The following RAD54L2 variants were observed in gnomAD, a reference collection of about 807,000 sequenced individuals.
RAD54L2 encodes RAD54 like 2.
Under a neutral mutation model 138.4 loss-of-function variants are expected in RAD54L2, and 27 were observed. That is an observed-to-expected ratio of 0.20 (90% confidence interval 0.14 to 0.27). The LOEUF is 0.27. Ranked by LOEUF, RAD54L2 falls within the 10% of genes least tolerant of loss-of-function variation. RAD54L2 has a pLI of 1.00. For synonymous variants in RAD54L2, 644 were observed against 723.2 expected (o/e 0.89, Z 1.76); for missense variants, 1,396 against 1,890.2 (o/e 0.74, Z 4.85).
Position 51,663,036 on chromosome 3 carries a change from T to G in RAD54L2, c.4020T>G (p.Phe1340Leu). 1 of 1,613,942 alleles carries G rather than the reference T, an allele frequency of 6.2e-7. No individual in the cohort carries two copies. Among genetic ancestry groups the G allele is most frequent in the Non-Finnish European group, 8.5e-7 (1 of 1,179,872 alleles). The change falls in exon 23 of 23, where the codon TTT (phenylalanine) becomes TTG (leucine). Residue 1340 changes from phenylalanine (F) to leucine (L), a missense_variant. This residue lies in a region of RAD54L2 where 634 missense variants were observed against 711.2 expected (regional missense o/e 0.89). Transcript: ENST00000684192. The stretch of plus-strand genomic sequence containing the variant: ...TGCTGGCAGATGCCCGCCTGGTGTT[T>G]CCAGTGACTACTGACCCTCTGGTGC... ...SNLLADARLVFPVTTDPLVPA... is the reference protein window; with the variant it reads ...SNLLADARLVLPVTTDPLVPA...
Position 51,563,080 on chromosome 3 carries a change from C to T in RAD54L2, c.-55+21430C>T, listed in dbSNP as rs775488037. ...TGTTTTTTTGCCTTTCCTGACCTGT[C>T]GTGTGTATCTTTGTGTCTCCAGTAG... On this transcript the variant is annotated intron_variant, in intron 2 of 22. Coordinates refer to ENST00000684192, the MANE Select transcript of RAD54L2 (RefSeq NM_015106.4). 4.0e-4 allele frequency among the ~76,000 whole-genome samples: 61 copies of T among 152,060 alleles called. 2 individuals carry two copies. Among genetic ancestry groups the T allele is most frequent in the Admixed American group, 3.7e-3 (57 of 15,252 alleles).
At chr3:51,634,358 ATTTTTTT>A (rs61565460) in intron 9 of RAD54L2, among the ~76,000 whole-genome samples, 31 of 94,928 alleles carry the variant, frequency 3.3e-4, no homozygotes, top group African/African-American at 6.2e-4. Flanking sequence ...CCACTGTCTG[ATTTTTTT>A]TTTTTTTTTT....
intron 2 of RAD54L2, among the ~76,000 whole-genome samples, chr3:51,551,602 T>G (rs1038444064): frequency 6.6e-6 from 1 of 151,076 alleles, no homozygotes; most frequent in Non-Finnish European, 1.5e-5. Flanking sequence ...GCCTGGCTAA[T>G]TTTTGTATTT....
intron 14 of RAD54L2, among the ~76,000 whole-genome samples, chr3:51,640,966 G>A (rs1355942245): frequency 6.6e-6 from 1 of 152,048 alleles, no homozygotes; most frequent in Non-Finnish European, 1.5e-5. Flanking sequence ...GATACCCTTG[G>A]TTGTTCTTGG....
At chr3:51,566,466 GTTTTTTTTT>G (rs71084149) in intron 2 of RAD54L2, among the ~76,000 whole-genome samples, 7 of 31,516 alleles carry the variant, frequency 2.2e-4, no homozygotes, top group Admixed American at 4.5e-4. Flanking sequence ...CCTTTTCTGC[GTTTTTTTTT>G]TTTTTTTTTT....
rs1284289372 is a variant in RAD54L2 at position 51,667,911 on chromosome 3, A to G, written c.*4491A>G. The G allele has an allele frequency of 6.6e-6, 1 of 151,748 alleles. No individual in the cohort carries two copies. The highest frequency in any genetic ancestry group is 1.5e-5 in the Non-Finnish European group (1 of 67,970). The allele number at this position is 151,748 out of a possible 1,614,324, so 9.4% of individuals were successfully genotyped here. On this transcript the variant is annotated 3_prime_UTR_variant, in exon 23 of 23. Transcript: ENST00000684192. ...GACATAGTAATCTAGTGTGTTGGGG[A>G]GGGGTAGCCAAGCAGGCTGCAGTGT...
At chr3:51,634,162 C>G in intron 9 of RAD54L2, 127 bp downstream of exon 9, 1 of 1,234,618 alleles carries the variant, frequency 8.1e-7, no homozygotes, top group Non-Finnish European at 1.1e-6. Context: ...CCTGATGTAT[C>G]ACTTTCTCTG....
intron 3 of RAD54L2, among the ~76,000 whole-genome samples, chr3:51,620,704 AC>A: frequency 6.6e-6 from 1 of 151,784 alleles, no homozygotes; most frequent in Admixed American, 6.6e-5. Flanking sequence ...TGTTTATATA[AC>A]TCTTGTGGTT....
At position 51,630,733 on chromosome 3, in the gene RAD54L2, G is replaced by A; in HGVS notation, c.627G>A (p.Glu209=). 1 of 1,613,970 alleles carries A rather than the reference G, an allele frequency of 6.2e-7. No homozygotes were observed. The highest frequency in any genetic ancestry group is 2.2e-5 in the East Asian group (1 of 44,874). The change falls in exon 7 of 23, where the codon GAG becomes GAA. Residue 209 remains glutamate (E), a synonymous_variant. Transcript: ENST00000684192. ...TGATTGAACTGAGCTCTGGAGAGGA[G>A]GACACTCTGCACATTGTGGACAGCA... ...DEVIELSSGE[E]DTLHIVDSSE...
rs1223198799 is a variant in RAD54L2 at position 51,539,098 on chromosome 3, G to A, written c.-117+183G>A. Among the ~76,000 whole-genome samples, 5 of 152,340 alleles carry A rather than the reference G, an allele frequency of 3.3e-5. No individual in the cohort carries two copies. The East Asian group carries it at 9.7e-4, about 29-fold the overall frequency. On this transcript the variant is annotated intron_variant, in intron 1 of 22. Coordinates refer to ENST00000684192, the MANE Select transcript of RAD54L2 (RefSeq NM_015106.4). ...ACCCGGGAAACTCCAGTGGCCGGAG[G>A]CTTGGCGGGGGTCTTGGGCCTCGAC...
At chr3:51,600,797 T>C (rs1308382741) in intron 3 of RAD54L2, among the ~76,000 whole-genome samples, 1 of 152,006 alleles carries the variant, frequency 6.6e-6, no homozygotes, top group Non-Finnish European at 1.5e-5. Flanking sequence ...TGAAACCCTG[T>C]CTCTACTAAA....
intron 2 of RAD54L2, among the ~76,000 whole-genome samples, chr3:51,580,469 C>T (rs1699581740): frequency 6.6e-6 from 1 of 152,176 alleles, no homozygotes; most frequent in African/African-American, 2.4e-5. Context: ...TCTTAGAGTT[C>T]AGTGAGTGGG....
intron 3 of RAD54L2, among the ~76,000 whole-genome samples, chr3:51,591,428 A>G (rs1577408326): frequency 6.6e-6 from 1 of 151,956 alleles, no homozygotes; most frequent in African/African-American, 2.4e-5. Flanking sequence ...AGGAAAATGT[A>G]CTCCTGCCGT....
intron 20 of RAD54L2, 103 bp from the exon 21 acceptor site, chr3:51,657,477 G>C: frequency 1.4e-6 from 1 of 714,166 alleles, no homozygotes; most frequent in South Asian, 1.6e-5. Context: ...GAGGCTGTAG[G>C]GAAACCAATG....
chr3:51,632,887 C>T (rs181938385), intron 7 of RAD54L2, among the ~76,000 whole-genome samples: 242 of 142,186 alleles, frequency 1.7e-3, no homozygotes, highest in Middle Eastern at 0.013. Flanking sequence ...AGCAAGACTC[C>T]GTCTCAAAAA....
intron 3 of RAD54L2, among the ~76,000 whole-genome samples, chr3:51,610,085 G>A (rs1577423026): frequency 6.6e-6 from 1 of 151,854 alleles, no homozygotes; most frequent in South Asian, 2.1e-4. Context: ...GCAGTGAGCC[G>A]AGATCGAGCC....
intron 2 of RAD54L2, among the ~76,000 whole-genome samples, chr3:51,542,685 G>C (rs1698583814): frequency 6.6e-6 from 1 of 152,092 alleles, no homozygotes; most frequent in Admixed American, 6.6e-5. Context: ...GGATGGTCTC[G>C]ATCTACTGAC....
Position 51,630,856 on chromosome 3 carries a change from C to A in RAD54L2, c.750C>A (p.Val250=). The change falls in exon 7 of 23, where the codon GTC becomes GTA. Residue 250 remains valine (V), a synonymous_variant. Coordinates refer to ENST00000684192, the MANE Select transcript of RAD54L2 (RefSeq NM_015106.4). Reference sequence around the variant, plus strand: ...GTGACGCCCTTGGGCGGGTCCTTGTCAACCTAAACCACCCTCCAGAGGAGG... The same window carrying A: ...GTGACGCCCTTGGGCGGGTCCTTGTAAACCTAAACCACCCTCCAGAGGAGG... ...NQRDALGRVL[V]NLNHPPEEEN... is the part of the protein sequence containing the mutation. 1 of 1,614,060 alleles carries A rather than the reference C, an allele frequency of 6.2e-7. No individual in the cohort carries two copies. Among genetic ancestry groups the A allele is most frequent in the South Asian group, 1.1e-5 (1 of 91,084 alleles).
chr3:51,590,172 G>C (rs1157809443), intron 2 of RAD54L2, among the ~76,000 whole-genome samples, 195 bp from the exon 3 acceptor site: 1 of 152,060 alleles, frequency 6.6e-6, no homozygotes. Context: ...TGTATTTTTA[G>C]TAGAGATGGG....
Sources: allele counts gnomAD v4.1 joint callset (sites outside exome capture counted in the v4.1 genomes callset), GRCh38; gene constraint gnomAD v4.1.1; regional missense constraint gnomAD v4.1.1; transcripts MANE v1.5; gene names NCBI Gene and HGNC (gene_info 2026-07-23, HGNC 2026-07-21).